Variants in NXPH1 observed in about 807,000 individuals in gnomAD.
NXPH1 encodes the protein neurexophilin 1.
A neutral mutation model predicts 23.7 loss-of-function variants in NXPH1; 5 were observed. That is an observed-to-expected ratio of 0.21 (90% CI 0.11 to 0.44). The LOEUF is 0.44. NXPH1 is among the 20% of genes least tolerant of loss of function. NXPH1 has a pLI of 0.99. For missense variants in NXPH1, 324 were observed against 321.6 expected (o/e 1.01, Z -0.06); for synonymous variants, 144 against 122.2 (o/e 1.18, Z -1.18).
intron 2 of NXPH1, among the ~76,000 whole-genome samples, chr7:8,533,267 C>T (rs569724104): frequency 2.6e-5 from 4 of 152,204 alleles, no homozygotes; most frequent in South Asian, 4.1e-4. Context: ...TTGTCATCAG[C>T]CCAATACTGA....
intron 2 of NXPH1, among the ~76,000 whole-genome samples, chr7:8,585,096 C>A (rs553591759): frequency 6.6e-6 from 1 of 152,192 alleles, no homozygotes; most frequent in African/African-American, 2.4e-5. Context: ...TTTTACTGCT[C>A]TCTTTTCATT....
chr7:8,714,558 G>A (rs570154788), intron 2 of NXPH1, among the ~76,000 whole-genome samples: 1 of 151,964 alleles, frequency 6.6e-6, no homozygotes, highest in South Asian at 2.1e-4. Flanking sequence ...CACACATGAA[G>A]CCAGCATATA....
At chr7:8,668,129 C>G (rs1820807277) in intron 2 of NXPH1, among the ~76,000 whole-genome samples, 1 of 151,582 alleles carries the variant, frequency 6.6e-6, no homozygotes, top group East Asian at 1.9e-4. Context: ...TCTGTATTTT[C>G]TTGAAGTGTT....
Position 8,473,873 on chromosome 7 carries a change from G to A in NXPH1, c.54+38106G>A, listed in dbSNP as rs867174790. 6.6e-5 allele frequency among the ~76,000 whole-genome samples: 10 copies of A among 152,098 alleles called. 1 individual carries two copies. In the Middle Eastern group the frequency reaches 0.014, roughly 207 times the overall value. The stretch of plus-strand genomic sequence containing the variant: ...CCCAAAGAACCGACGGTTTCAGCTT[G>A]GGCAGGATGTCATTTCTCTTTTATA... On this transcript the variant is annotated intron_variant, in intron 2 of 2. Transcript: ENST00000405863.
intron 2 of NXPH1, among the ~76,000 whole-genome samples, chr7:8,481,146 A>G (rs546052854): frequency 1.1e-4 from 17 of 152,312 alleles, no homozygotes; most frequent in African/African-American, 3.1e-4. Context: ...TTTTCAGTCA[A>G]TATCTTAAAA....
Position 8,435,294 on chromosome 7 carries a change from G to A in NXPH1, c.-110-310G>A. The A allele has an allele frequency of 7.8e-6, 2 of 255,878 alleles. No homozygotes were observed. Among genetic ancestry groups the A allele is most frequent in the Non-Finnish European group, 1.5e-5 (2 of 132,144 alleles). 15.9% of individuals were successfully genotyped at this position (255,878 alleles called of 1,614,324 possible). A position where few individuals can be genotyped will look rare whatever the true frequency, so the allele number is the denominator to read the frequency against. On this transcript the variant is annotated intron_variant, in intron 1 of 2. Transcript: ENST00000405863. This position sits in a 1 kb window ranked among gnomAD's most constrained non-coding sequence, Gnocchi z 5.9. ...AACACAAGGGCAGGTCTCGCTGCCG[G>A]AGAAGCCTGGGCTCCGAACCAGCCT...
At chr7:8,674,868 G>A (rs1583225336) in intron 2 of NXPH1, among the ~76,000 whole-genome samples, 1 of 152,216 alleles carries the variant, frequency 6.6e-6, no homozygotes, top group Admixed American at 6.5e-5. Flanking sequence ...ATGCTCATCA[G>A]GAACAATCGA....
intron 2 of NXPH1, among the ~76,000 whole-genome samples, chr7:8,571,359 T>A (rs1048483913): frequency 1.4e-4 from 21 of 151,578 alleles, no homozygotes; most frequent in Non-Finnish European, 3.0e-4. Context: ...ATCGAGAATA[T>A]GTCTGTGATT....
chr7:8,448,535 G>A (rs559583032), intron 2 of NXPH1, among the ~76,000 whole-genome samples: 122 of 152,312 alleles, frequency 8.0e-4, no homozygotes, highest in African/African-American at 2.8e-3. Context: ...ATGGACATTT[G>A]GCTGGGTGCG....
chr7:8,477,560 A>G (rs1816997489), intron 2 of NXPH1, among the ~76,000 whole-genome samples: 1 of 152,166 alleles, frequency 6.6e-6, no homozygotes, highest in Admixed American at 6.6e-5. Context: ...TAAAAAAGAA[A>G]TATGCAAATG....
chr7:8,457,612 TTGG>T (rs1213794439), intron 2 of NXPH1, among the ~76,000 whole-genome samples: 6 of 151,896 alleles, frequency 4.0e-5, no homozygotes, highest in Non-Finnish European at 8.8e-5. Flanking sequence ...GACAACTTCA[TTGG>T]TCCATTTGGT....
intron 2 of NXPH1, among the ~76,000 whole-genome samples, chr7:8,472,509 G>T (rs143429305): frequency 1.2e-3 from 188 of 152,260 alleles, no homozygotes; most frequent in African/African-American, 4.2e-3. Context: ...TGAGGCTATG[G>T]CTGTCCTTCT....
chr7:8,701,148 C>G (rs1202637380), intron 2 of NXPH1, among the ~76,000 whole-genome samples: 2 of 152,060 alleles, frequency 1.3e-5, no homozygotes. Flanking sequence ...CTTCTCTTTA[C>G]TGTAACCTTT....
At chr7:8,697,523 G>T (rs904763874) in intron 2 of NXPH1, among the ~76,000 whole-genome samples, 1 of 152,096 alleles carries the variant, frequency 6.6e-6, no homozygotes, top group Non-Finnish European at 1.5e-5. Context: ...GAAGTGCTGG[G>T]GTAAGGAGAA....
intron 2 of NXPH1, among the ~76,000 whole-genome samples, chr7:8,682,432 C>A (rs1259723364): frequency 1.3e-5 from 2 of 152,094 alleles, no homozygotes; most frequent in African/African-American, 4.8e-5. Context: ...AGTACTCACA[C>A]AATGATTAAA....
At chr7:8,618,727 G>A (rs1192521251) in intron 2 of NXPH1, among the ~76,000 whole-genome samples, 1 of 152,144 alleles carries the variant, frequency 6.6e-6, no homozygotes, top group Non-Finnish European at 1.5e-5. Flanking sequence ...CATTTTGAGA[G>A]CCTTCTGAGA....
chr7:8,653,009 C>T (rs1279253948), intron 2 of NXPH1, among the ~76,000 whole-genome samples: 1 of 152,072 alleles, frequency 6.6e-6, no homozygotes, highest in East Asian at 1.9e-4. Context: ...TTTTCTGCTT[C>T]CTTTTGTTTA....
At chr7:8,744,618 T>G (rs1347145742) in intron 2 of NXPH1, among the ~76,000 whole-genome samples, 3 of 152,228 alleles carry the variant, frequency 2.0e-5, no homozygotes, top group Non-Finnish European at 4.4e-5. Context: ...CTCCAGACCT[T>G]CAGATCCTTG....
chr7:8,438,145 T>A (rs1314474476), intron 2 of NXPH1, among the ~76,000 whole-genome samples: 1 of 152,228 alleles, frequency 6.6e-6, no homozygotes, highest in Non-Finnish European at 1.5e-5. Context: ...AATTGGGCAG[T>A]CATTTCGGGA....
Sources: allele counts gnomAD v4.1 joint callset (sites outside exome capture counted in the v4.1 genomes callset), GRCh38; gene constraint gnomAD v4.1.1; non-coding constraint Gnocchi (gnomAD v3.1); transcripts MANE v1.5; gene names NCBI Gene and HGNC (gene_info 2026-07-23, HGNC 2026-07-21).